Variants in TMEM63C observed in about 807,000 individuals in gnomAD.
TMEM63C encodes transmembrane protein 63C.
In TMEM63C, 32 loss-of-function variants were observed where a neutral mutation model predicts 99.2. The observed-to-expected ratio is 0.32, with a 90% CI of 0.24 to 0.43. The LOEUF (loss-of-function observed/expected upper bound fraction) is 0.43. Ranked by LOEUF, TMEM63C falls within the 20% of genes least tolerant of loss-of-function variation. TMEM63C has a pLI of 1.00. For synonymous variants in TMEM63C, 376 were observed against 397.9 expected (o/e 0.94, Z 0.66); for missense variants, 826 against 1,053.0 (o/e 0.78, Z 2.98).
At chr14:77,199,884 G>A (rs961038010) in intron 1 of TMEM63C, among the ~76,000 whole-genome samples, 11 of 152,142 alleles carry the variant, frequency 7.2e-5, no homozygotes, top group East Asian at 3.8e-4. Flanking sequence ...AAGTGGAGGC[G>A]GGCAAGAAAG....
At chr14:77,252,026 T>C (rs1366881634) in intron 22 of TMEM63C, 128 bp downstream of exon 22, 1 of 800,668 alleles carries the variant, frequency 1.2e-6, no homozygotes, top group Non-Finnish European at 2.1e-6. Context: ...TCTCTGACTG[T>C]AGAGCGTGGA....
At chr14:77,242,699 C>A (rs1303295922) in intron 14 of TMEM63C, among the ~76,000 whole-genome samples, 1 of 143,680 alleles carries the variant, frequency 7.0e-6, no homozygotes, top group African/African-American at 2.8e-5. Context: ...GAACTCAGGT[C>A]CATTTTTTTT....
intron 9 of TMEM63C, among the ~76,000 whole-genome samples, chr14:77,237,090 G>C (rs61993371): frequency 0.011 from 1,675 of 151,994 alleles, 16 homozygotes; most frequent in Middle Eastern, 0.027. Context: ...AGACTGGTTG[G>C]TAAATAGCTG....
intron 1 of TMEM63C, among the ~76,000 whole-genome samples, chr14:77,206,162 A>C (rs1379046195): frequency 7.0e-6 from 1 of 143,660 alleles, no homozygotes; most frequent in Non-Finnish European, 1.5e-5. Context: ...CTAGGTTTAG[A>C]CCACCCCAAA....
intron 1 of TMEM63C, among the ~76,000 whole-genome samples, chr14:77,186,781 GTGTGTGTGTGTGTGTGTGTC>G (rs991318860): frequency 9.6e-5 from 10 of 103,900 alleles, no homozygotes; most frequent in Admixed American, 5.6e-4. Flanking sequence ...AAAGGGGTGT[GTGTGTGTGTGTGTGTGTGTC>G]TGTGTGTGTG....
Position 77,256,880 on chromosome 14 carries a change from C to T in TMEM63C, c.*154C>T, listed in dbSNP as rs1326330866. ...TCCACCACCCCAGCCATGGGCCATA[C>T]GGGGGTCCTGACCTGCTGCCCGGCT... is the stretch of plus-strand genomic sequence containing the variant. On this transcript the variant is annotated 3_prime_UTR_variant, in exon 24 of 24. Coordinates refer to ENST00000298351, the MANE Select transcript of TMEM63C (RefSeq NM_020431.4). 9.7e-6 allele frequency: 7 copies of T among 719,636 alleles called. No individual in the cohort carries two copies. Among genetic ancestry groups the T allele is most frequent in the African/African-American group, 3.6e-5 (2 of 56,078 alleles). 44.6% of individuals were successfully genotyped at this position (719,636 alleles called of 1,614,324 possible). A position where few individuals can be genotyped will look rare whatever the true frequency, so the allele number is the denominator to read the frequency against.
intron 2 of TMEM63C, among the ~76,000 whole-genome samples, chr14:77,215,352 G>A (rs1177859844): frequency 6.6e-6 from 1 of 152,082 alleles, no homozygotes; most frequent in Non-Finnish European, 1.5e-5. Flanking sequence ...TGTAATCCCA[G>A]CACTTTGGGA....
chr14:77,189,276 A>T (rs202127323), intron 1 of TMEM63C, among the ~76,000 whole-genome samples: 1 of 146,172 alleles, frequency 6.8e-6, no homozygotes. Flanking sequence ...CACCCAGCTA[A>T]TTTTTTTTTT....
intron 2 of TMEM63C, 37 bp downstream of exon 2, chr14:77,213,545 A>G (rs1158912824): frequency 6.6e-6 from 1 of 152,206 alleles, no homozygotes; most frequent in Admixed American, 6.5e-5. Flanking sequence ...CACCTGCAGG[A>G]TCGCCTTCCT....
chr14:77,223,113 A>G (rs942123650), intron 5 of TMEM63C, among the ~76,000 whole-genome samples: 3 of 152,140 alleles, frequency 2.0e-5, no homozygotes, highest in African/African-American at 7.2e-5. Flanking sequence ...AAGTGACTTC[A>G]TCTCTTGAAG....
intron 22 of TMEM63C, among the ~76,000 whole-genome samples, chr14:77,252,421 G>C (rs575525604): frequency 6.6e-6 from 1 of 152,328 alleles, no homozygotes; most frequent in East Asian, 1.9e-4. Context: ...CTAATCATTA[G>C]GAGAGGGGAG....
At chr14:77,230,291 C>A (rs1888914868) in intron 6 of TMEM63C, among the ~76,000 whole-genome samples, 1 of 152,138 alleles carries the variant, frequency 6.6e-6, no homozygotes, top group Non-Finnish European at 1.5e-5. Context: ...CGCCAATACC[C>A]AGCAGCTCTC....
chr14:77,231,545 C>T (rs372020629), intron 6 of TMEM63C, 43 bp from the exon 7 acceptor site: 27 of 1,548,428 alleles, frequency 1.7e-5, no homozygotes, highest in Middle Eastern at 3.3e-4. Flanking sequence ...GTGGTGGCCA[C>T]GCTGGCTCCT....
chr14:77,215,985 G>A (rs1316330482), intron 2 of TMEM63C, among the ~76,000 whole-genome samples: 3 of 152,136 alleles, frequency 2.0e-5, no homozygotes, highest in Non-Finnish European at 2.9e-5. Context: ...TTCCAGTCTG[G>A]CCACCTGCAC....
chr14:77,239,186 C>T lies in TMEM63C; in HGVS notation c.726-226C>T, dbSNP rs77829537. Among the ~76,000 whole-genome samples, 564 of 152,318 alleles carry T rather than the reference C, an allele frequency of 3.7e-3. 6 individuals carry two copies. The highest frequency in any genetic ancestry group is 0.013 in the African/African-American group (540 of 41,562). On this transcript the variant is annotated intron_variant, in intron 10 of 23. Coordinates refer to ENST00000298351, the MANE Select transcript of TMEM63C (RefSeq NM_020431.4). ...CTGGGTTCCCCAGTGGGTGGAGCTC[C>T]GCCCTTTTGCCCTGTTCTGAGTTGT...
intron 5 of TMEM63C, 71 bp downstream of exon 5, chr14:77,220,158 G>A (rs1888665543): frequency 7.1e-7 from 1 of 1,417,712 alleles, no homozygotes; most frequent in Non-Finnish European, 9.7e-7. Context: ...TGCACAGGAA[G>A]AAACACGGCT....
At chr14:77,239,115 G>A (rs768190886) in intron 10 of TMEM63C, among the ~76,000 whole-genome samples, 13 of 152,220 alleles carry the variant, frequency 8.5e-5, no homozygotes, top group Non-Finnish European at 1.8e-4. Context: ...CCAGCCCCAA[G>A]GACACTGTTC....
intron 6 of TMEM63C, among the ~76,000 whole-genome samples, chr14:77,228,053 C>T (rs1328664987): frequency 1.1e-4 from 16 of 151,618 alleles, no homozygotes; most frequent in African/African-American, 2.9e-4. Flanking sequence ...AGGAGGATGC[C>T]GAAGATGAGA....
chr14:77,245,001 G>T (rs1482403898), intron 16 of TMEM63C, among the ~76,000 whole-genome samples: 1 of 152,168 alleles, frequency 6.6e-6, no homozygotes, highest in African/African-American at 2.4e-5. Context: ...GCCATACCCT[G>T]GGCAGGTGGC....
Sources: allele counts gnomAD v4.1 joint callset (sites outside exome capture counted in the v4.1 genomes callset), GRCh38; gene constraint gnomAD v4.1.1; transcripts MANE v1.5; gene names NCBI Gene and HGNC (gene_info 2026-07-23, HGNC 2026-07-21).